Variants in SOX5 observed in about 807,000 individuals in gnomAD.
SOX5 encodes SRY-box transcription factor 5.
Under a neutral mutation model 92.0 loss-of-function variants are expected in SOX5, and 9 were observed. The observed-to-expected ratio is 0.10, with a 90% CI of 0.06 to 0.17. The LOEUF (loss-of-function observed/expected upper bound fraction) is 0.17. Ranked by LOEUF, SOX5 falls within the 10% of genes least tolerant of loss-of-function variation. SOX5 has a pLI of 1.00. For missense variants in SOX5, 642 were observed against 944.5 expected, an observed-to-expected ratio of 0.68 and a Z score of 4.20; for synonymous variants, 344 against 336.3, an observed-to-expected ratio of 1.02 and a Z score of -0.25.
At chr12:24,487,631 AAG>A (rs1384606101) in intron 1 of SOX5, among the ~76,000 whole-genome samples, 2 of 152,200 alleles carry the variant, frequency 1.3e-5, no homozygotes, top group Non-Finnish European at 2.9e-5. Flanking sequence ...GACTCCATTT[AAG>A]ACAGAGCTAT....
At chr12:24,363,332 A>G (rs929243354) in intron 2 of SOX5, among the ~76,000 whole-genome samples, 1 of 152,002 alleles carries the variant, frequency 6.6e-6, no homozygotes, top group Non-Finnish European at 1.5e-5. Flanking sequence ...TTCTGCCATC[A>G]CTTCTGGAAC....
At chr12:24,261,316 G>A (rs1305661067) in intron 3 of SOX5, among the ~76,000 whole-genome samples, 5 of 152,090 alleles carry the variant, frequency 3.3e-5, no homozygotes, top group African/African-American at 1.2e-4. Flanking sequence ...CAGTTTTGGG[G>A]TATATGAGCC....
At chr12:23,741,560 T>A (rs1331872541) in intron 4 of SOX5, among the ~76,000 whole-genome samples, 3 of 152,126 alleles carry the variant, frequency 2.0e-5, no homozygotes, top group African/African-American at 7.2e-5. Context: ...GCATTAGTAT[T>A]AGTGATATGA....
intron 4 of SOX5, among the ~76,000 whole-genome samples, chr12:24,162,246 G>T (rs1209430327): frequency 6.6e-6 from 1 of 151,994 alleles, no homozygotes; most frequent in African/African-American, 2.4e-5. Context: ...AACAGATCAG[G>T]TACTCTAAAA....
At chr12:23,553,091 G>C (rs576453879) in intron 11 of SOX5, among the ~76,000 whole-genome samples, 1 of 151,800 alleles carries the variant, frequency 6.6e-6, no homozygotes, top group Non-Finnish European at 1.5e-5. Flanking sequence ...ATTCATAAAA[G>C]ATAATTTTCT....
chr12:23,645,470 T>C (rs1290690599), intron 7 of SOX5, among the ~76,000 whole-genome samples: 1 of 152,172 alleles, frequency 6.6e-6, no homozygotes, highest in Non-Finnish European at 1.5e-5. Flanking sequence ...AGAAGCCTCA[T>C]TAAAGAGCTT....
chr12:24,179,581 G>T (rs1955235875), intron 4 of SOX5, among the ~76,000 whole-genome samples: 1 of 152,146 alleles, frequency 6.6e-6, no homozygotes, highest in South Asian at 2.1e-4. Context: ...ATCCCATCAT[G>T]TATACAAAAT....
chr12:23,821,849 G>T (rs2096124714), intron 3 of SOX5, among the ~76,000 whole-genome samples: 1 of 152,066 alleles, frequency 6.6e-6, no homozygotes, highest in South Asian at 2.1e-4. Context: ...TTATTCTTGG[G>T]AGGGTGTATG....
intron 4 of SOX5, among the ~76,000 whole-genome samples, chr12:23,748,631 T>C (rs1190323077): frequency 6.6e-6 from 1 of 152,018 alleles, no homozygotes; most frequent in Non-Finnish European, 1.5e-5. Flanking sequence ...TTACGTTTCT[T>C]CCCTCAAAAA....
At chr12:23,614,702 T>C (rs1374423841) in intron 8 of SOX5, among the ~76,000 whole-genome samples, 1 of 152,246 alleles carries the variant, frequency 6.6e-6, no homozygotes, top group Non-Finnish European at 1.5e-5. Flanking sequence ...TAATGTGGTA[T>C]CTTCATGTTT....
chr12:24,245,643 C>T (rs1938544366), intron 3 of SOX5, among the ~76,000 whole-genome samples: 1 of 152,002 alleles, frequency 6.6e-6, no homozygotes, highest in Non-Finnish European at 1.5e-5. Context: ...TATGTACACG[C>T]ACATATGTGT....
At chr12:24,439,399 G>T (rs565857665) in intron 1 of SOX5, among the ~76,000 whole-genome samples, 44 of 152,128 alleles carry the variant, frequency 2.9e-4, no homozygotes, top group Admixed American at 8.5e-4. Flanking sequence ...GTATAGTTAT[G>T]CAGCTTCCTG....
At chr12:24,118,486 C>T (rs1215771461) in intron 4 of SOX5, among the ~76,000 whole-genome samples, 3 of 151,940 alleles carry the variant, frequency 2.0e-5, no homozygotes, top group African/African-American at 4.8e-5. Flanking sequence ...TTCTCAATGA[C>T]ACAATCATAG....
At chr12:23,583,072 A>C (rs1364022705) in intron 9 of SOX5, among the ~76,000 whole-genome samples, 1 of 152,106 alleles carries the variant, frequency 6.6e-6, no homozygotes, top group Non-Finnish European at 1.5e-5. Context: ...TGGCTTCTGA[A>C]ATATCAACTA....
intron 3 of SOX5, among the ~76,000 whole-genome samples, chr12:24,246,544 T>C (rs1938770260): frequency 6.6e-6 from 1 of 152,158 alleles, no homozygotes; most frequent in African/African-American, 2.4e-5. Flanking sequence ...CCTCAGTTCC[T>C]TCATATTATA....
intron 2 of SOX5, among the ~76,000 whole-genome samples, chr12:23,854,557 C>T (rs2096667148): frequency 6.6e-6 from 1 of 151,588 alleles, no homozygotes; most frequent in Non-Finnish European, 1.5e-5. Context: ...TATGATTTAT[C>T]TCCAAAATTT....
At chr12:24,326,604 G>C (rs942350165) in intron 2 of SOX5, among the ~76,000 whole-genome samples, 2 of 152,070 alleles carry the variant, frequency 1.3e-5, no homozygotes, top group African/African-American at 4.8e-5. Flanking sequence ...TTCCCACTCA[G>C]GGTTTTGCAA....
chr12:23,571,588 AC>A (rs1441621610), intron 10 of SOX5, among the ~76,000 whole-genome samples: 1 of 152,214 alleles, frequency 6.6e-6, no homozygotes, highest in African/African-American at 2.4e-5. Flanking sequence ...CAGAGTGGCT[AC>A]CAAAAGGCAA....
intron 1 of SOX5, among the ~76,000 whole-genome samples, chr12:24,489,209 ATGACTC>A (rs1168849534): frequency 6.6e-6 from 1 of 152,204 alleles, no homozygotes; most frequent in Non-Finnish European, 1.5e-5. Flanking sequence ...CTTTTCCTAA[ATGACTC>A]TGATGGAGAA....
Sources: allele counts gnomAD v4.1 joint callset (sites outside exome capture counted in the v4.1 genomes callset), GRCh38; gene constraint gnomAD v4.1.1; transcripts MANE v1.5; gene names NCBI Gene and HGNC (gene_info 2026-07-23, HGNC 2026-07-21).